The following BCR variants were observed in gnomAD, a reference collection of about 807,000 sequenced individuals.
The protein encoded by BCR is BCR activator of RhoGEF and GTPase, also known as breakpoint cluster region protein.
BCR carries 58 observed loss-of-function variants against 138.6 expected under a neutral mutation model. That is an observed-to-expected ratio of 0.42 (90% confidence interval 0.34 to 0.52). The LOEUF (loss-of-function observed/expected upper bound fraction) is 0.52, where lower values mean the gene tolerates loss of function less well. BCR is among the 20% of genes least tolerant of loss of function. The pLI, the probability that BCR is intolerant of heterozygous loss-of-function variation, is 0.06. For missense variants in BCR, 1,599 were observed against 1,727.2 expected (o/e 0.93, Z 1.32); for synonymous variants, 786 against 730.1 (o/e 1.08, Z -1.23).
intron 16 of BCR, among the ~76,000 whole-genome samples, chr22:23,305,248 G>A (rs919233622): frequency 2.6e-5 from 4 of 152,280 alleles, no homozygotes; most frequent in Admixed American, 1.3e-4. Context: ...ACCCACCCCC[G>A]GGAGTAGGTT....
chr22:23,295,522 A>T (rs1217408734), intron 16 of BCR, among the ~76,000 whole-genome samples: 6 of 152,010 alleles, frequency 3.9e-5, no homozygotes, highest in Non-Finnish European at 7.4e-5. Flanking sequence ...AGAAAAGCAC[A>T]GGGGTCCCAG....
chr22:23,316,926 A>C lies in BCR; in HGVS notation c.*1404A>C, dbSNP rs1335577138. 3 of 137,846 alleles carry C rather than the reference A, an allele frequency of 2.2e-5. No homozygotes were observed. Among genetic ancestry groups the C allele is most frequent in the African/African-American group, 1.3e-4 (3 of 23,836 alleles). The allele number at this position is 137,846 out of a possible 1,614,324, so 8.5% of individuals were successfully genotyped here. On this transcript the variant is annotated 3_prime_UTR_variant, in exon 23 of 23. Transcript: ENST00000305877. ...TTTTTTAGAAAGAGGGGCTTGGGGC[A>C]GGCAGAGGAGAGAAGGGAGAGCAAA... is the stretch of plus-strand genomic sequence containing the variant.
In BCR at chr22:23,255,589, A is replaced by T. The variant is rs185819825; in HGVS notation, c.1461+1609A>T. On this transcript the variant is annotated intron_variant, in intron 2 of 22. Coordinates refer to ENST00000305877, the MANE Select transcript of BCR (RefSeq NM_004327.4). ...TTTCTTTCCATCATTCTTGAGGGCT[A>T]TCTGCACCCAGCCAGTCCTTGATGC... Among the ~76,000 whole-genome samples the T allele has an allele frequency of 1.6e-3, 251 of 152,290 alleles. 2 individuals are homozygous for T. Among genetic ancestry groups the T allele is most frequent in the African/African-American group, 5.7e-3 (237 of 41,570 alleles).
intron 1 of BCR, among the ~76,000 whole-genome samples, chr22:23,246,268 G>GA (rs965536678): frequency 1.4e-4 from 21 of 149,212 alleles, no homozygotes; most frequent in East Asian, 2.0e-4. Context: ...TCTACAAAAA[G>GA]AAAAAAAAAA....
intron 13 of BCR, chr22:23,289,995 G>T: frequency 2.0e-6 from 1 of 506,148 alleles, no homozygotes. Flanking sequence ...TGCATTCACT[G>T]TTGCACATAT....
At chr22:23,205,177 G>A (rs984595713) in intron 1 of BCR, among the ~76,000 whole-genome samples, 1 of 152,210 alleles carries the variant, frequency 6.6e-6, no homozygotes, top group Non-Finnish European at 1.5e-5. Flanking sequence ...AGTGCCAGTT[G>A]GAGTAGGGGC....
chr22:23,246,941 G>T (rs2073164160), intron 1 of BCR, among the ~76,000 whole-genome samples: 1 of 152,098 alleles, frequency 6.6e-6, no homozygotes, highest in Admixed American at 6.5e-5. Flanking sequence ...CTTGGTGGGT[G>T]CATGGTGGTA....
chr22:23,315,229 AAAAT>A (rs1283076235), intron 22 of BCR, among the ~76,000 whole-genome samples, 200 bp from the exon 23 acceptor site: 6 of 151,882 alleles, frequency 4.0e-5, no homozygotes, highest in African/African-American at 1.2e-4. Context: ...GTGCATCTCT[AAAAT>A]AAATAACCAC....
At chr22:23,191,883 C>T (rs571631460) in intron 1 of BCR, among the ~76,000 whole-genome samples, 3 of 152,158 alleles carry the variant, frequency 2.0e-5, no homozygotes, top group African/African-American at 2.4e-5. Context: ...GAGATTATCC[C>T]GCTGGTTCTG....
At chr22:23,315,363 A>G (rs1461673620) in intron 22 of BCR, 70 bp from the exon 23 acceptor site, 1 of 1,453,206 alleles carries the variant, frequency 6.9e-7, no homozygotes, top group Non-Finnish European at 9.6e-7. Context: ...CTTGGGCCCC[A>G]AAGACCTCCC....
At position 23,217,887 on chromosome 22, in the gene BCR, G is replaced by A. The variant is rs571705341; in HGVS notation, c.1279+35648G>A. On this transcript the variant is annotated intron_variant, in intron 1 of 22. Coordinates refer to ENST00000305877, the MANE Select transcript of BCR (RefSeq NM_004327.4). The stretch of plus-strand genomic sequence containing the variant: ...GATCTGCAGCTGTGGCCGCCTGCTC[G>A]GACAGGAAAGGCCTTGACGTCCAGA... Among the ~76,000 whole-genome samples, 98 of 152,314 alleles carry A rather than the reference G, an allele frequency of 6.4e-4. 1 individual carries two copies. The highest frequency in any genetic ancestry group is 2.3e-3 in the African/African-American group (96 of 41,578).
At chr22:23,312,794 C>T (rs1254193114) in intron 19 of BCR, 93 bp from the exon 20 acceptor site, 6 of 1,498,116 alleles carry the variant, frequency 4.0e-6, no homozygotes, top group South Asian at 2.4e-5. Flanking sequence ...CAGTGGTCAG[C>T]ATGGCAGGGA....
At chr22:23,226,961 A>G (rs1568942889) in intron 1 of BCR, among the ~76,000 whole-genome samples, 1 of 152,184 alleles carries the variant, frequency 6.6e-6, no homozygotes, top group African/African-American at 2.4e-5. Context: ...AGACCAGGCC[A>G]GGATCGAGCA....
chr22:23,293,930 C>T (rs1469679508), intron 15 of BCR, among the ~76,000 whole-genome samples: 5 of 152,140 alleles, frequency 3.3e-5, no homozygotes, highest in South Asian at 2.1e-4. Context: ...GATTCACCAA[C>T]AGCACCGTCA....
intron 8 of BCR, among the ~76,000 whole-genome samples, chr22:23,278,344 G>T (rs13054840): frequency 6.6e-6 from 1 of 152,134 alleles, no homozygotes; most frequent in African/African-American, 2.4e-5. Flanking sequence ...GGCCCTGGAG[G>T]AGGGAAGTAC....
At chr22:23,260,512 C>T (rs942722456) in intron 2 of BCR, among the ~76,000 whole-genome samples, 3 of 152,148 alleles carry the variant, frequency 2.0e-5, no homozygotes, top group Non-Finnish European at 4.4e-5. Flanking sequence ...AGGCGGGCCC[C>T]AGGTGAGCAG....
At chr22:23,188,706 A>G (rs2072377387) in intron 1 of BCR, among the ~76,000 whole-genome samples, 1 of 151,790 alleles carries the variant, frequency 6.6e-6, no homozygotes, top group South Asian at 2.1e-4. Context: ...TAAATTAACT[A>G]TGAACCCCAG....
intron 15 of BCR, among the ~76,000 whole-genome samples, chr22:23,294,120 CAGAA>C (rs1163951345): frequency 6.6e-6 from 1 of 152,128 alleles, no homozygotes; most frequent in Non-Finnish European, 1.5e-5. Context: ...CAAAATGGAG[CAGAA>C]AGAACAGAGT....
intron 19 of BCR, chr22:23,312,349 T>G (rs1243419819): frequency 5.5e-6 from 1 of 181,246 alleles, no homozygotes; most frequent in African/African-American, 2.3e-5. Flanking sequence ...GACCCTTCTT[T>G]GGGGCACACA....
Sources: gnomAD v4.1 joint callset for allele counts (sites outside exome capture counted in the v4.1 genomes callset) on GRCh38, gnomAD v4.1.1 for gene constraint, MANE v1.5 for transcripts, NCBI Gene and HGNC (gene_info 2026-07-23, HGNC 2026-07-21) for gene names.